MAP2K5: variants seen among roughly 807,000 people sequenced by gnomAD.
MAP2K5 encodes the protein mitogen-activated protein kinase kinase 5.
In MAP2K5, 49 loss-of-function variants were observed where a neutral mutation model predicts 83.1. The ratio of observed to expected loss-of-function variants is 0.59; its 90% confidence interval spans 0.47 to 0.75. MAP2K5 has a LOEUF of 0.75. Ranked by LOEUF, MAP2K5 falls within the 30% of genes least tolerant of loss-of-function variation. The pLI, the probability that MAP2K5 is intolerant of heterozygous loss-of-function variation, is 0.00. For synonymous variants in MAP2K5, 202 were observed against 191.8 expected (o/e 1.05, Z -0.44); for missense variants, 457 against 557.5 (o/e 0.82, Z 1.82).
intron 11 of MAP2K5, among the ~76,000 whole-genome samples, 175 bp downstream of exon 11, chr15:67,646,644 A>G (rs879871855): frequency 6.6e-6 from 1 of 152,204 alleles, no homozygotes. Context: ...TTAAATATTT[A>G]TAGCCGAACT....
chr15:67,574,107 G>T (rs2085004001), intron 3 of MAP2K5, among the ~76,000 whole-genome samples: 1 of 152,152 alleles, frequency 6.6e-6, no homozygotes, highest in Non-Finnish European at 1.5e-5. Flanking sequence ...ATCTCTTGGG[G>T]TATGGATAAG....
rs535749412 is a variant in MAP2K5 at position 67,555,384 on chromosome 15, G to A, written c.184+5302G>A. Among the ~76,000 whole-genome samples, 9 of 152,252 alleles carry A rather than the reference G, an allele frequency of 5.9e-5. No individual in the cohort carries two copies. The South Asian group carries it at 1.7e-3, about 28-fold the overall frequency. ...GAGAGGGCACTGAGTCATTCATGGG[G>A]GATCCACCCCCACGACAAAAACACC... On this transcript the variant is annotated intron_variant, in intron 2 of 21. Coordinates refer to ENST00000178640, the MANE Select transcript of MAP2K5 (RefSeq NM_145160.3). The surrounding 1 kb of genome is among the most constrained non-coding windows in gnomAD (Gnocchi z 5.2).
At position 67,555,264 on chromosome 15, in the gene MAP2K5, C is replaced by A. The variant is rs182399911; in HGVS notation, c.184+5182C>A. Reference sequence around the variant, plus strand: ...TGGCAGAAAGTGAAGGGGCAGCAGGCGTGTCACATGGCGAGAGAGAGTGGA... The same window carrying A: ...TGGCAGAAAGTGAAGGGGCAGCAGGAGTGTCACATGGCGAGAGAGAGTGGA... On this transcript the variant is annotated intron_variant, in intron 2 of 21. Transcript: ENST00000178640. This position sits in a 1 kb window ranked among gnomAD's most constrained non-coding sequence, Gnocchi z 5.2. 4.6e-5 allele frequency among the ~76,000 whole-genome samples: 7 copies of A among 152,266 alleles called. No individual in the cohort carries two copies. The highest frequency in any genetic ancestry group is 8.8e-5 in the Non-Finnish European group (6 of 68,024).
intron 15 of MAP2K5, among the ~76,000 whole-genome samples, chr15:67,701,172 T>C (rs7495062): frequency 0.99 from 150,964 of 152,164 alleles, 74,904 homozygotes; most frequent in Non-Finnish European, 1. Context: ...GGACAGGGGT[T>C]AGGGCAGCAT....
chr15:67,787,666 A>C (rs1422806517), intron 21 of MAP2K5, among the ~76,000 whole-genome samples: 1 of 152,250 alleles, frequency 6.6e-6, no homozygotes. Flanking sequence ...AACAATTAAG[A>C]ATAAGTAGGA....
At position 67,746,344 on chromosome 15, in the gene MAP2K5, C is replaced by G. The variant is rs550064964; in HGVS notation, c.1075-1887C>G. Reference sequence around the variant, plus strand: ...CTTGGAAATTTGTGAAACACATTCTCTTTGATGTCAGAAATGGATTTCTGA... The same window carrying G: ...CTTGGAAATTTGTGAAACACATTCTGTTTGATGTCAGAAATGGATTTCTGA... On this transcript the variant is annotated intron_variant, in intron 17 of 21. Coordinates refer to ENST00000178640, the MANE Select transcript of MAP2K5 (RefSeq NM_145160.3). The surrounding 1 kb of genome is among the most constrained non-coding windows in gnomAD (Gnocchi z 4.1). Among the ~76,000 whole-genome samples, 34 of 152,154 alleles carry G rather than the reference C, an allele frequency of 2.2e-4. No homozygotes were observed. The highest frequency in any genetic ancestry group is 2.2e-3 in the Admixed American group (34 of 15,294).
chr15:67,568,171 A>G (rs190237464), intron 3 of MAP2K5, among the ~76,000 whole-genome samples: 2 of 152,202 alleles, frequency 1.3e-5, no homozygotes, highest in South Asian at 2.1e-4. Context: ...TATGGCATAC[A>G]TTTTACTGTA....
At chr15:67,589,773 GTGTGTGTGTA>G (rs1355119898) in intron 6 of MAP2K5, among the ~76,000 whole-genome samples, 3 of 46,522 alleles carry the variant, frequency 6.4e-5, no homozygotes, top group African/African-American at 1.7e-4. Flanking sequence ...AAAAAAATGT[GTGTGTGTGTA>G]TGTGTGTGTG....
At chr15:67,639,642 A>T (rs1412619727) in intron 9 of MAP2K5, among the ~76,000 whole-genome samples, 1 of 152,206 alleles carries the variant, frequency 6.6e-6, no homozygotes, top group African/African-American at 2.4e-5. Context: ...CAGAGGCTTC[A>T]CGTCACTTCC....
At chr15:67,654,441 G>A (rs1349803477) in intron 11 of MAP2K5, among the ~76,000 whole-genome samples, 1 of 151,832 alleles carries the variant, frequency 6.6e-6, no homozygotes, top group Non-Finnish European at 1.5e-5. Flanking sequence ...TACCTTTGTT[G>A]TAGACAGCAT....
chr15:67,757,418 A>G lies in MAP2K5; in HGVS notation c.1134+8817A>G, dbSNP rs1044578141. On this transcript the variant is annotated intron_variant, in intron 19 of 21. Coordinates refer to ENST00000178640, the MANE Select transcript of MAP2K5 (RefSeq NM_145160.3). This position sits in a 1 kb window ranked among gnomAD's most constrained non-coding sequence, Gnocchi z 4.9. ...AAAACCCAACCTATAAAATAGATGAACATGAAGCTATTTTGGTTTGGTCAG... is the reference window on the plus strand; with the variant it reads ...AAAACCCAACCTATAAAATAGATGAGCATGAAGCTATTTTGGTTTGGTCAG... 1.3e-5 allele frequency among the ~76,000 whole-genome samples: 2 copies of G among 152,186 alleles called. No homozygotes were observed. Among genetic ancestry groups the G allele is most frequent in the African/African-American group, 4.8e-5 (2 of 41,444 alleles).
chr15:67,566,008 C>A (rs553136830), intron 3 of MAP2K5, among the ~76,000 whole-genome samples: 8 of 152,262 alleles, frequency 5.3e-5, no homozygotes, highest in African/African-American at 1.9e-4. Context: ...TGGTAGTCCT[C>A]ATGATTACCA....
At chr15:67,649,234 T>A (rs571406629) in intron 11 of MAP2K5, among the ~76,000 whole-genome samples, 1 of 152,278 alleles carries the variant, frequency 6.6e-6, no homozygotes, top group South Asian at 2.1e-4. Context: ...TTTAAATGAG[T>A]TATTGGGCTT....
rs144621464 is a variant in MAP2K5, at chr15:67,783,200, C to T, written c.1242+10448C>T. 6.6e-6 allele frequency among the ~76,000 whole-genome samples: 1 copy of T among 152,282 alleles called. No homozygotes were observed. The highest frequency in any genetic ancestry group is 1.5e-5 in the Non-Finnish European group (1 of 68,026). On this transcript the variant is annotated intron_variant, in intron 21 of 21. Coordinates refer to ENST00000178640, the MANE Select transcript of MAP2K5 (RefSeq NM_145160.3). This position sits in a 1 kb window ranked among gnomAD's most constrained non-coding sequence, Gnocchi z 5.1. ...ACACCGAGGAGGCAGCATGTCAGCC[C>T]CAAGTCCTGACCCCCCAGCCAGCTC...
rs1255552652 is a variant in MAP2K5 at position 67,719,129 on chromosome 15, C to A, written c.1045-8787C>A. Among the ~76,000 whole-genome samples, 1 of 152,104 alleles carries A rather than the reference C, an allele frequency of 6.6e-6. No individual in the cohort carries two copies. The highest frequency in any genetic ancestry group is 1.5e-5 in the Non-Finnish European group (1 of 68,020). On this transcript the variant is annotated intron_variant, in intron 16 of 21. Coordinates refer to ENST00000178640, the MANE Select transcript of MAP2K5 (RefSeq NM_145160.3). The surrounding 1 kb of genome is among the most constrained non-coding windows in gnomAD (Gnocchi z 4.6). Reference sequence around the variant, plus strand: ...TGAGTTCAATTCATTTAATTCTAATCTTTTTCTTCCTTGGCAACCTTTTAA... The same window carrying A: ...TGAGTTCAATTCATTTAATTCTAATATTTTTCTTCCTTGGCAACCTTTTAA...
chr15:67,623,872 C>T (rs2086247195), intron 8 of MAP2K5, among the ~76,000 whole-genome samples: 5 of 150,118 alleles, frequency 3.3e-5, no homozygotes, highest in Admixed American at 3.3e-4. Context: ...GCTGGGATTA[C>T]AGGTGTGAGC....
chr15:67,735,675 T>TC (rs1370734374), intron 17 of MAP2K5, among the ~76,000 whole-genome samples: 1 of 152,204 alleles, frequency 6.6e-6, no homozygotes. Flanking sequence ...CAAGAGGGTT[T>TC]CACAGAGTAG....
chr15:67,685,922 G>A (rs529942189), intron 13 of MAP2K5, among the ~76,000 whole-genome samples: 1 of 152,340 alleles, frequency 6.6e-6, no homozygotes, highest in East Asian at 1.9e-4. Flanking sequence ...TACATCAGCA[G>A]AATTTGAGTA....
intron 11 of MAP2K5, among the ~76,000 whole-genome samples, chr15:67,646,771 A>G (rs1360646748): frequency 1.3e-5 from 2 of 152,158 alleles, no homozygotes; most frequent in African/African-American, 4.8e-5. Context: ...TTACTTGCAA[A>G]ACAGATGTTC....
Sources: allele counts gnomAD v4.1 joint callset (sites outside exome capture counted in the v4.1 genomes callset), GRCh38; gene constraint gnomAD v4.1.1; non-coding constraint Gnocchi (gnomAD v3.1); transcripts MANE v1.5; gene names NCBI Gene and HGNC (gene_info 2026-07-23, HGNC 2026-07-21).